Variants in TRERF1 observed in about 807,000 individuals in gnomAD.
TRERF1 encodes transcriptional regulating factor 1.
A neutral mutation model predicts 122.9 loss-of-function variants in TRERF1; 27 were observed. The ratio of observed to expected loss-of-function variants is 0.22; its 90% CI spans 0.16 to 0.30. The LOEUF is 0.30. Ranked by LOEUF, TRERF1 falls within the 10% of genes least tolerant of loss-of-function variation. The probability of loss-of-function intolerance (pLI) is 1.00; values close to 1 mark genes in which losing one functional copy is unlikely to be tolerated. For synonymous variants in TRERF1, 636 were observed against 641.7 expected (o/e 0.99, Z 0.13); for missense variants, 1,248 against 1,560.3 (o/e 0.80, Z 3.37).
intron 13 of TRERF1, among the ~76,000 whole-genome samples, chr6:42,250,568 C>T (rs1775563737): frequency 1.3e-5 from 2 of 152,024 alleles, no homozygotes; most frequent in African/African-American, 2.4e-5. Flanking sequence ...CTCAAATCCT[C>T]CCCTATCCTT....
chr6:42,432,406 C>T (rs1784623717), intron 2 of TRERF1, among the ~76,000 whole-genome samples: 1 of 152,120 alleles, frequency 6.6e-6, no homozygotes, highest in Non-Finnish European at 1.5e-5. Flanking sequence ...GAATAAAATG[C>T]TTCAGCAAAA....
At position 42,259,685 on chromosome 6, in the gene TRERF1, G is replaced by T. The variant is rs1384426119; in HGVS notation, c.1923C>A (p.Ala641=). The T allele has an allele frequency of 1.2e-6, 2 of 1,606,788 alleles. No individual in the cohort carries two copies. The highest frequency in any genetic ancestry group is 1.7e-6 in the Non-Finnish European group (2 of 1,179,976). ...CCTGCACGGTCTTGAGGGGCTCCTC[G>T]GCTTTGGGCACACTCGGCTGATGCT... is the stretch of plus-strand genomic sequence containing the variant. The change falls in exon 9 of 18, where the codon GCC becomes GCA. Residue 641 remains alanine (A), a synonymous_variant. Transcript: ENST00000372922. The surrounding 1 kb of genome is among the most constrained non-coding windows in gnomAD (Gnocchi z 4.9).
rs147322983 is a variant in TRERF1 at position 42,359,584 on chromosome 6, C to T, written c.-371+3413G>A. Among the ~76,000 whole-genome samples the T allele has an allele frequency of 1.8e-3, 279 of 152,232 alleles. 1 individual carries two copies. The highest frequency in any genetic ancestry group is 5.7e-3 in the African/African-American group (238 of 41,536). On this transcript the variant is annotated intron_variant, in intron 3 of 17. Transcript: ENST00000372922. Reference sequence around the variant, plus strand: ...ACTAAAAATACAAAAATTAGCTGGGCGCGGTGGCGTGCGCCTGCAGTCCCT... The same window carrying T: ...ACTAAAAATACAAAAATTAGCTGGGTGCGGTGGCGTGCGCCTGCAGTCCCT...
At chr6:42,247,666 A>G (rs574159196) in intron 13 of TRERF1, among the ~76,000 whole-genome samples, 1 of 152,312 alleles carries the variant, frequency 6.6e-6, no homozygotes, top group African/African-American at 2.4e-5. Flanking sequence ...CCTCCATGAA[A>G]GAAAGCACGA....
At chr6:42,420,397 G>A (rs1015163693) in intron 2 of TRERF1, among the ~76,000 whole-genome samples, 14 of 152,092 alleles carry the variant, frequency 9.2e-5, no homozygotes, top group Admixed American at 5.9e-4. Context: ...TCCACCAATC[G>A]CCTCCCGTGG....
At chr6:42,389,498 T>C (rs531541428) in intron 2 of TRERF1, among the ~76,000 whole-genome samples, 15 of 152,344 alleles carry the variant, frequency 9.8e-5, no homozygotes, top group Non-Finnish European at 1.9e-4. Context: ...CATCTCTCCA[T>C]TGGCATCCCT....
intron 2 of TRERF1, among the ~76,000 whole-genome samples, chr6:42,422,316 T>A (rs1321721691): frequency 6.6e-6 from 1 of 152,020 alleles, no homozygotes; most frequent in African/African-American, 2.4e-5. Context: ...GCTCAGGAGT[T>A]CAAGAACAGC....
intron 3 of TRERF1, among the ~76,000 whole-genome samples, chr6:42,357,864 G>T (rs1770900061): frequency 6.6e-6 from 1 of 152,194 alleles, no homozygotes; most frequent in Admixed American, 6.5e-5. Context: ...TGGCAGGGGT[G>T]GTTGGGTGTA....
chr6:42,348,906 G>A (rs1446402978), intron 3 of TRERF1, among the ~76,000 whole-genome samples: 7 of 152,146 alleles, frequency 4.6e-5, no homozygotes, highest in African/African-American at 9.7e-5. Context: ...GAAGACTCAC[G>A]AGATAGTGAG....
Position 42,268,807 on chromosome 6 carries a change from G to C in TRERF1, c.784C>G (p.Gln262Glu), listed in dbSNP as rs760654651. The C allele has an allele frequency of 1.6e-4, 251 of 1,614,044 alleles. No individual in the cohort carries two copies. Among genetic ancestry groups the C allele is most frequent in the Non-Finnish European group, 2.0e-4 (241 of 1,180,038 alleles). ...TAATACTGGTGCTGCTGCATCTGTT[G>C]CATGTGCTGTGACAGCATCTGTGGG... Residue 262 changes from glutamine (Q) to glutamate (E), a missense_variant, in exon 5 of 18, where the codon CAA becomes GAA. By Grantham distance (29) the Gln-to-Glu change is conservative. This residue lies in a region of TRERF1 where 946 missense variants were observed against 1,073.0 expected (regional missense o/e 0.88). Transcript: ENST00000372922. The surrounding 1 kb of genome is among the most constrained non-coding windows in gnomAD (Gnocchi z 4.4).
At chr6:42,395,502 A>G (rs1778440992) in intron 2 of TRERF1, among the ~76,000 whole-genome samples, 1 of 152,130 alleles carries the variant, frequency 6.6e-6, no homozygotes, top group Non-Finnish European at 1.5e-5. Flanking sequence ...TTCAGGCAAG[A>G]TCGGAGAGAT....
In TRERF1 at chr6:42,277,905, G is replaced by GGAAGAAGAAGAAGAAGAA. The variant is rs70987587; in HGVS notation, c.-258-8075_-258-8058dup. On this transcript the variant is annotated intron_variant, in intron 4 of 17. Transcript: ENST00000372922. ...AGAAGGAAGAAGGAAGAAGGAAGAAGGAAGAAGAAGAAGAAGAAGAAGAAG... is the reference window on the plus strand; with the variant it reads ...AGAAGGAAGAAGGAAGAAGGAAGAAGGAAGAAGAAGAAGAAGAAGAAGAAGAAGAAGAAGAAGAAGAAG... 2.9e-3 allele frequency among the ~76,000 whole-genome samples: 244 copies of GGAAGAAGAAGAAGAAGAA among 85,078 alleles called. 3 individuals carry two copies. The highest frequency in any genetic ancestry group is 0.012 in the East Asian group (33 of 2,864). 55.8% of individuals were successfully genotyped at this position (85,078 alleles called of 152,430 possible).
At chr6:42,432,686 A>G (rs1784667344) in intron 2 of TRERF1, among the ~76,000 whole-genome samples, 1 of 152,130 alleles carries the variant, frequency 6.6e-6, no homozygotes, top group African/African-American at 2.4e-5. Flanking sequence ...TACTAAAAAT[A>G]CAAAAATTAG....
intron 2 of TRERF1, among the ~76,000 whole-genome samples, chr6:42,405,892 C>T (rs914974858): frequency 4.6e-5 from 7 of 151,800 alleles, no homozygotes; most frequent in Non-Finnish European, 8.8e-5. Context: ...GAAGCAACTA[C>T]CTGCCCCTGT....
rs144168592 is a variant in TRERF1, at chr6:42,290,741, C to CTTTTTTTTTT, written c.-259+9887_-259+9896dup. 7.8e-4 allele frequency among the ~76,000 whole-genome samples: 72 copies of CTTTTTTTTTT among 92,392 alleles called. 2 individuals carry two copies. The highest frequency in any genetic ancestry group is 2.2e-3 in the East Asian group (7 of 3,222). The allele number at this position is 92,392 out of a possible 152,430, so 60.6% of individuals were successfully genotyped here. A position where few individuals can be genotyped will look rare whatever the true frequency, so the allele number is the denominator to read the frequency against. ...ATTTATCCTTTTTTCCATTTCTTTC[C>CTTTTTTTTTT]TTTTTTTTTTTTTTTTTTTTTTTGA... On this transcript the variant is annotated intron_variant, in intron 4 of 17. Coordinates refer to ENST00000372922, the Ensembl canonical transcript of TRERF1.
At chr6:42,314,643 A>G (rs758692056) in intron 3 of TRERF1, among the ~76,000 whole-genome samples, 1 of 152,210 alleles carries the variant, frequency 6.6e-6, no homozygotes, top group Non-Finnish European at 1.5e-5. Context: ...TGTAGATGCT[A>G]TGGGAAAAAA....
chr6:42,356,381 T>C (rs754274984), intron 3 of TRERF1, among the ~76,000 whole-genome samples: 1 of 152,092 alleles, frequency 6.6e-6, no homozygotes, highest in Admixed American at 6.6e-5. Flanking sequence ...GCTCCCACGA[T>C]GGGATGGGTG....
At chr6:42,420,722 C>T (rs1459067777) in intron 2 of TRERF1, among the ~76,000 whole-genome samples, 1 of 152,160 alleles carries the variant, frequency 6.6e-6, no homozygotes, top group African/African-American at 2.4e-5. Context: ...AATCATATTT[C>T]AATCAAGAAT....
chr6:42,439,125 ACTGCCACTTGCCC>A (rs1786008414), intron 2 of TRERF1, among the ~76,000 whole-genome samples: 1 of 152,248 alleles, frequency 6.6e-6, no homozygotes, highest in Non-Finnish European at 1.5e-5. Flanking sequence ...CTTCAACATC[ACTGCCACTTGCCC>A]CTGTGTTTCC....
Sources: allele counts gnomAD v4.1 joint callset (sites outside exome capture counted in the v4.1 genomes callset), GRCh38; gene constraint gnomAD v4.1.1; regional missense constraint gnomAD v4.1.1; non-coding constraint Gnocchi (gnomAD v3.1); transcripts MANE v1.5; gene names NCBI Gene and HGNC (gene_info 2026-07-23, HGNC 2026-07-21).